ROBO2: variants seen among roughly 807,000 people sequenced by gnomAD.
The protein encoded by ROBO2 is roundabout homolog 2.
A neutral mutation model predicts 160.8 loss-of-function variants in ROBO2; 53 were observed. The ratio of observed to expected loss-of-function variants is 0.33; its 90% CI spans 0.26 to 0.41. ROBO2 has a LOEUF of 0.41. ROBO2 is among the 10% of genes least tolerant of loss of function. The pLI is 1.00. For synonymous variants in ROBO2, 664 were observed against 611.7 expected (o/e 1.09, Z -1.26); for missense variants, 1,577 against 1,722.4 (o/e 0.92, Z 1.49).
At chr3:77,202,647 C>T (rs192336948) in intron 2 of ROBO2, among the ~76,000 whole-genome samples, 7 of 152,078 alleles carry the variant, frequency 4.6e-5, no homozygotes, top group South Asian at 2.1e-4. Context: ...CTTGACTCCC[C>T]GACTTCATTC....
chr3:77,326,434 C>T (rs925365956), intron 2 of ROBO2, among the ~76,000 whole-genome samples: 9 of 152,154 alleles, frequency 5.9e-5, no homozygotes, highest in African/African-American at 2.2e-4. Flanking sequence ...CAAATATAGC[C>T]ATTTCTAAGG....
intron 2 of ROBO2, among the ~76,000 whole-genome samples, chr3:77,195,914 T>C (rs2082266417): frequency 2.0e-5 from 3 of 152,290 alleles, no homozygotes; most frequent in East Asian, 1.9e-4. Flanking sequence ...TGCCCACCAA[T>C]TGGCAGGCCC....
chr3:76,113,234 T>C (rs978614081), intron 2 of ROBO2, among the ~76,000 whole-genome samples: 2 of 152,100 alleles, frequency 1.3e-5, no homozygotes, highest in Non-Finnish European at 2.9e-5. Flanking sequence ...GAAAAGGTTG[T>C]AGGAAAGATT....
intron 2 of ROBO2, among the ~76,000 whole-genome samples, chr3:76,503,317 C>T (rs929946518): frequency 4.6e-5 from 7 of 152,078 alleles, no homozygotes; most frequent in Admixed American, 1.3e-4. Flanking sequence ...TTCCCCAGCC[C>T]ACTGACTCAA....
intron 2 of ROBO2, among the ~76,000 whole-genome samples, chr3:76,538,315 T>C (rs1209164656): frequency 6.6e-6 from 1 of 152,206 alleles, no homozygotes; most frequent in Non-Finnish European, 1.5e-5. Flanking sequence ...TTCTCTTTTC[T>C]ACGTAGGCAA....
intron 2 of ROBO2, among the ~76,000 whole-genome samples, chr3:77,343,550 G>A (rs1335200639): frequency 2.0e-5 from 3 of 152,034 alleles, no homozygotes; most frequent in African/African-American, 4.8e-5. Context: ...ATATGCAGGG[G>A]GATACAGACT....
At chr3:76,080,069 A>G (rs946170737) in intron 2 of ROBO2, among the ~76,000 whole-genome samples, 1 of 152,134 alleles carries the variant, frequency 6.6e-6, no homozygotes, top group African/African-American at 2.4e-5. Flanking sequence ...AACATGACAC[A>G]CTGATTTCTC....
chr3:77,454,120 CTT>C (rs36018732), intron 2 of ROBO2, among the ~76,000 whole-genome samples: 39 of 139,656 alleles, frequency 2.8e-4, no homozygotes, highest in East Asian at 2.3e-3. Flanking sequence ...TTACTCTGGG[CTT>C]TTTTTTTTTT....
chr3:76,907,409 G>C (rs1182523893), intron 2 of ROBO2, among the ~76,000 whole-genome samples: 1 of 152,134 alleles, frequency 6.6e-6, no homozygotes, highest in East Asian at 1.9e-4. Flanking sequence ...TATTACAGTA[G>C]AACGAGACTG....
chr3:76,329,416 C>T (rs1216757323), intron 2 of ROBO2, among the ~76,000 whole-genome samples: 2 of 152,162 alleles, frequency 1.3e-5, no homozygotes, highest in African/African-American at 4.8e-5. Flanking sequence ...TGGGGTTTCC[C>T]CGTGTTGGCC....
At chr3:77,008,177 A>T (rs1452837986) in intron 2 of ROBO2, among the ~76,000 whole-genome samples, 1 of 152,118 alleles carries the variant, frequency 6.6e-6, no homozygotes, top group Non-Finnish European at 1.5e-5. Flanking sequence ...CCAGAAAAAA[A>T]GAAGTTCGGT....
chr3:77,613,889 C>A (rs544391043), intron 21 of ROBO2, among the ~76,000 whole-genome samples: 9 of 152,054 alleles, frequency 5.9e-5, no homozygotes, highest in South Asian at 4.2e-4. Context: ...ATCAAGGAAA[C>A]CTTCATACAA....
chr3:77,474,187 T>C (rs917584326), intron 2 of ROBO2, among the ~76,000 whole-genome samples: 3 of 152,302 alleles, frequency 2.0e-5, no homozygotes, highest in African/African-American at 7.2e-5. Context: ...TTGTATGTTC[T>C]TTAAGGTTAT....
At chr3:77,074,797 C>T (rs963314088) in intron 1 of ROBO2, among the ~76,000 whole-genome samples, 5 of 152,126 alleles carry the variant, frequency 3.3e-5, no homozygotes, top group Non-Finnish European at 5.9e-5. Context: ...CATTTTAGCA[C>T]AACATAAATG....
intron 2 of ROBO2, among the ~76,000 whole-genome samples, chr3:76,328,355 A>G (rs1233183126): frequency 5.3e-5 from 8 of 152,254 alleles, no homozygotes; most frequent in Admixed American, 5.2e-4. Flanking sequence ...AGGTAATTTG[A>G]TAACAATTCA....
At chr3:77,366,895 C>CCCG (rs983688511) in intron 2 of ROBO2, among the ~76,000 whole-genome samples, 10 of 116,722 alleles carry the variant, frequency 8.6e-5, no homozygotes, top group Admixed American at 2.4e-4. Flanking sequence ...CTCACAGCAC[C>CCCG]CCCCCGACAC....
intron 2 of ROBO2, among the ~76,000 whole-genome samples, chr3:76,988,063 C>T (rs982243259): frequency 9.2e-5 from 14 of 151,950 alleles, no homozygotes; most frequent in Non-Finnish European, 1.3e-4. Flanking sequence ...AAGGTAATTA[C>T]GAGACAAAAT....
rs114073435 is a variant in ROBO2, at chr3:76,887,927, T to G, written c.110-210087T>G. Reference sequence around the variant, plus strand: ...GCTTGGGAGTCCTAACATATAACCATCTCTAAAATTCTGCAACTGTAGATT... The same window carrying G: ...GCTTGGGAGTCCTAACATATAACCAGCTCTAAAATTCTGCAACTGTAGATT... On this transcript the variant is annotated intron_variant, in intron 2 of 26. Coordinates refer to the ROBO2 transcript ENST00000487694. 4.7e-3 allele frequency among the ~76,000 whole-genome samples: 709 copies of G among 152,274 alleles called. 8 individuals are homozygous for G. The highest frequency in any genetic ancestry group is 0.016 in the African/African-American group (683 of 41,542).
chr3:76,251,662 A>G (rs577488830), intron 2 of ROBO2, among the ~76,000 whole-genome samples: 3 of 152,266 alleles, frequency 2.0e-5, no homozygotes, highest in African/African-American at 4.8e-5. Flanking sequence ...ACTGTTTTCT[A>G]TAAGAACTGT....
Sources: allele counts gnomAD v4.1 joint callset (sites outside exome capture counted in the v4.1 genomes callset), GRCh38; gene constraint gnomAD v4.1.1; transcripts MANE v1.5; gene names NCBI Gene and HGNC (gene_info 2026-07-23, HGNC 2026-07-21).